The following PCDHA5 variants were observed in gnomAD, a reference collection of about 807,000 sequenced individuals.
PCDHA5 encodes protocadherin alpha-5.
Under a neutral mutation model 61.6 loss-of-function variants are expected in PCDHA5, and 43 were observed. The observed-to-expected ratio is 0.70, with a 90% CI of 0.55 to 0.90. PCDHA5 has a LOEUF of 0.90. PCDHA5 is among the 40% of genes least tolerant of loss of function. The probability of loss-of-function intolerance (pLI) is 0.00; values close to 1 mark genes in which losing one functional copy is unlikely to be tolerated. For synonymous variants in PCDHA5, 627 were observed against 543.9 expected, an observed-to-expected ratio of 1.15 and a Z score of -2.13; for missense variants, 1,298 against 1,222.7, an observed-to-expected ratio of 1.06 and a Z score of -0.92.
intron 1 of PCDHA5, among the ~76,000 whole-genome samples, chr5:140,899,497 T>G (rs2067365308): frequency 6.6e-6 from 1 of 152,254 alleles, no homozygotes; most frequent in South Asian, 2.1e-4. Context: ...TTACATTTAT[T>G]GATTTGCATA....
rs2150354067 is a variant in PCDHA5 at position 140,843,158 on chromosome 5, C to A, written c.2352+19031C>A. On this transcript the variant is annotated intron_variant, in intron 1 of 3. Transcript: ENST00000529859. ...CGCGTGGCTTTCGTATGAGCTGCAG[C>A]CAGCTGCAAGCAGCCCTCGCATCCC... is the stretch of plus-strand genomic sequence containing the variant. The A allele has an allele frequency of 1.0e-4, 163 of 1,596,026 alleles. 13 individuals carry two copies. In the South Asian group the frequency reaches 1.7e-3, roughly 16 times the overall value.
intron 1 of PCDHA5, chr5:140,829,486 G>A (rs1305629436): frequency 1.9e-6 from 3 of 1,613,648 alleles, no homozygotes; most frequent in Non-Finnish European, 2.5e-6. Flanking sequence ...TGTTCGTGAA[G>A]GAGAACAACC....
chr5:140,826,555 T>C (rs2150080070), intron 1 of PCDHA5, among the ~76,000 whole-genome samples: 1 of 152,270 alleles, frequency 6.6e-6, no homozygotes, highest in East Asian at 1.9e-4. Context: ...TTTTTCTCCT[T>C]TGAAGGAGGG....
rs543069895 is a variant in PCDHA5, at chr5:140,958,338, G to A, written c.2353-20611G>A. 2.0e-4 allele frequency among the ~76,000 whole-genome samples: 30 copies of A among 152,108 alleles called. No homozygotes were observed. In the South Asian group the frequency reaches 6.0e-3, roughly 31 times the overall value. ...GAGCTCAAAAAATAAATAAATCACA[G>A]GAAGTTCACAGTCTGACTTTATCAG... On this transcript the variant is annotated intron_variant, in intron 1 of 3. Transcript: ENST00000529859.
chr5:140,983,239 C>CCTGCTAAGTTGTGTAAAAAA (rs1261909895), intron 3 of PCDHA5, among the ~76,000 whole-genome samples: 1 of 152,176 alleles, frequency 6.6e-6, no homozygotes, highest in Non-Finnish European at 1.5e-5. Flanking sequence ...GGAAAGAGAA[C>CCTGCTAAGTTGTGTAAAAAA]CTGCTAAGTT....
chr5:140,999,180 GAGA>G (rs1554256675), intron 3 of PCDHA5, among the ~76,000 whole-genome samples: 1 of 152,238 alleles, frequency 6.6e-6, no homozygotes, highest in East Asian at 1.9e-4. Context: ...GCCTGATGGG[GAGA>G]GGGTCCTTGG....
intron 1 of PCDHA5, among the ~76,000 whole-genome samples, chr5:140,935,798 G>T (rs1302798386): frequency 6.6e-6 from 1 of 151,552 alleles, no homozygotes; most frequent in Non-Finnish European, 1.5e-5. Context: ...ATATAAACGA[G>T]ATTATTTCAT....
At chr5:140,827,939 G>C (rs1769462392) in intron 1 of PCDHA5, 2 of 1,144,136 alleles carry the variant, frequency 1.7e-6, no homozygotes, top group South Asian at 3.1e-5. Flanking sequence ...GTTATAGCTA[G>C]CCAACATTCA....
At chr5:140,875,815 C>T (rs782785462) in intron 1 of PCDHA5, 11 of 1,614,218 alleles carry the variant, frequency 6.8e-6, no homozygotes, top group Non-Finnish European at 9.3e-6. Flanking sequence ...CAGGCCGCTG[C>T]AGGTTTTCCA....
rs1428126460 is a variant in PCDHA5 at position 140,848,665 on chromosome 5, C to T, written c.2352+24538C>T. On this transcript the variant is annotated intron_variant, in intron 1 of 3. Coordinates refer to ENST00000529859, the MANE Select transcript of PCDHA5 (RefSeq NM_018908.3). ...GCGCAGGACCTGGGGCTGGAGCTGG[C>T]GGAGCTGGTGCCGCGCCTGTTCCAG... 1.9e-6 allele frequency: 3 copies of T among 1,592,226 alleles called. 1 individual carries two copies. The highest frequency in any genetic ancestry group is 2.6e-6 in the Non-Finnish European group (3 of 1,163,404).
intron 1 of PCDHA5, chr5:140,843,573 C>T (rs1380003956): frequency 6.3e-7 from 1 of 1,595,868 alleles, no homozygotes; most frequent in Admixed American, 1.7e-5. Flanking sequence ...TGGTCATACT[C>T]GCAACAACAG....
At chr5:140,968,612 C>A (rs782101758) in intron 1 of PCDHA5, 2 of 1,614,204 alleles carry the variant, frequency 1.2e-6, no homozygotes, top group East Asian at 2.2e-5. Flanking sequence ...AGACTCTGGG[C>A]AAAATGCTTG....
chr5:140,906,585 C>T (rs782305409), intron 1 of PCDHA5, among the ~76,000 whole-genome samples: 1 of 152,208 alleles, frequency 6.6e-6, no homozygotes, highest in Non-Finnish European at 1.5e-5. Context: ...TTGATGACTA[C>T]CTTCCTCTAC....
chr5:140,852,319 C>T (rs2150515438), intron 1 of PCDHA5: 6 of 325,372 alleles, frequency 1.8e-5, no homozygotes, highest in Non-Finnish European at 2.8e-5. Context: ...TTTCTGCCAC[C>T]CAGGCTGGAG....
rs782623559 is a variant in PCDHA5 at position 141,009,752 on chromosome 5, A to G, written c.2626A>G (p.Ile876Val). The G allele has an allele frequency of 3.1e-6, 5 of 1,614,086 alleles. No homozygotes were observed. Among genetic ancestry groups the G allele is most frequent in the East Asian group, 4.5e-5 (2 of 44,882 alleles). The change falls in exon 4 of 4, where the codon ATC becomes GTC. Residue 876 changes from isoleucine (I) to valine (V), a missense_variant. Physicochemically the swap from Ile to Val is conservative, Grantham distance 29. Transcript: ENST00000529859. ...CGGTGAGTTGCCCGACAAATTCATT[A>G]TCCCAGGATCTCCTGCAATCATCTC... ...GPGELPDKFIIPGSPAIISIR... is the reference protein window; with the variant it reads ...GPGELPDKFIVPGSPAIISIR...
intron 1 of PCDHA5, among the ~76,000 whole-genome samples, chr5:140,946,263 G>T (rs1168857420): frequency 6.6e-6 from 1 of 151,750 alleles, no homozygotes; most frequent in East Asian, 1.9e-4. Flanking sequence ...AGAAAAATGC[G>T]AATTAAAACC....
Position 140,824,006 on chromosome 5 carries a change from T to G in PCDHA5, c.2231T>G (p.Val744Gly), listed in dbSNP as rs2150131396. The G allele has an allele frequency of 1.2e-6, 2 of 1,613,804 alleles. No individual in the cohort carries two copies. Among genetic ancestry groups the G allele is most frequent in the Admixed American group, 3.3e-5 (2 of 60,012 alleles). Residue 744 changes from valine (V) to glycine (G), a missense_variant, in exon 1 of 4, where the codon GTG (valine) becomes GGG (glycine). Physicochemically the swap from Val to Gly is moderately radical, Grantham distance 109. Coordinates refer to ENST00000529859, the MANE Select transcript of PCDHA5 (RefSeq NM_018908.3). ...CCCACTCTGTTGTGCTCCAGCGCGG[T>G]GGGGAGCTGGTCGTACTCGCAGCAG... ...GKPTLLCSSAVGSWSYSQQRR... is the reference protein window; with the variant it reads ...GKPTLLCSSAGGSWSYSQQRR...
chr5:140,899,230 G>A (rs1487839667), intron 1 of PCDHA5, among the ~76,000 whole-genome samples: 4 of 152,058 alleles, frequency 2.6e-5, no homozygotes, highest in Admixed American at 6.5e-5. Flanking sequence ...ACACTATGTT[G>A]AATAGGAGTG....
At chr5:140,830,175 A>G in intron 1 of PCDHA5, 7 of 1,613,542 alleles carry the variant, frequency 4.3e-6, no homozygotes, top group Non-Finnish European at 5.9e-6. Flanking sequence ...GCGCTGGTGG[A>G]TGTCAACGTG....
Sources: gnomAD v4.1 joint callset for allele counts (sites outside exome capture counted in the v4.1 genomes callset) on GRCh38, gnomAD v4.1.1 for gene constraint, MANE v1.5 for transcripts, NCBI Gene and HGNC (gene_info 2026-07-23, HGNC 2026-07-21) for gene names.